The following RHEX variants were observed in gnomAD, a reference collection of about 807,000 sequenced individuals.
The protein encoded by RHEX is regulator of hemoglobinization and erythroid cell expansion protein.
In RHEX, 18 loss-of-function variants were observed where a neutral mutation model predicts 20.1. The observed-to-expected ratio is 0.90, with a 90% CI of 0.62 to 1.33. The LOEUF is 1.33. Ranked by LOEUF, RHEX falls within the 40% of genes most tolerant of loss-of-function variation. The pLI, the probability that RHEX is intolerant of heterozygous loss-of-function variation, is 0.00. For missense variants in RHEX, 192 were observed against 214.3 expected, an observed-to-expected ratio of 0.90 and a Z score of 0.65; for synonymous variants, 87 against 77.1, an observed-to-expected ratio of 1.13 and a Z score of -0.67.
At chr1:206,083,270 C>G (rs949313364) in intron 1 of RHEX, among the ~76,000 whole-genome samples, 1 of 152,204 alleles carries the variant, frequency 6.6e-6, no homozygotes, top group African/African-American at 2.4e-5. Context: ...TCTTAGGCCT[C>G]TTAACTCCTC....
intron 1 of RHEX, among the ~76,000 whole-genome samples, chr1:206,056,658 C>G (rs562756262): frequency 3.0e-3 from 457 of 152,210 alleles, no homozygotes; most frequent in Non-Finnish European, 5.0e-3. Flanking sequence ...AGGACTGGTC[C>G]TTTTCTAGGT....
intron 1 of RHEX, among the ~76,000 whole-genome samples, chr1:206,069,836 A>G (rs1447217867): frequency 6.6e-6 from 1 of 152,208 alleles, no homozygotes. Context: ...ATTTTTAAAA[A>G]TTACATGAAT....
intron 1 of RHEX, among the ~76,000 whole-genome samples, chr1:206,088,860 G>T (rs368922063): frequency 6.6e-6 from 1 of 151,098 alleles, no homozygotes; most frequent in African/African-American, 2.4e-5. Context: ...TCACGTTGTC[G>T]CCCAGGCTGG....
chr1:206,068,554 T>C (rs1429575772), intron 1 of RHEX, among the ~76,000 whole-genome samples: 2 of 151,950 alleles, frequency 1.3e-5, no homozygotes, highest in Non-Finnish European at 2.9e-5. Flanking sequence ...AGCTGGAGAA[T>C]TTAAAGGGAG....
At chr1:206,101,617 A>G in intron 5 of RHEX, 135 bp from the exon 6 acceptor site, 1 of 677,780 alleles carries the variant, frequency 1.5e-6, no homozygotes, top group Non-Finnish European at 2.6e-6. Context: ...CTGCTCCCAG[A>G]CACAGCTATT....
chr1:206,092,046 C>A (rs1352176281), intron 1 of RHEX, among the ~76,000 whole-genome samples: 2 of 150,578 alleles, frequency 1.3e-5, no homozygotes, highest in Admixed American at 6.7e-5. Flanking sequence ...CTTTCTTTCT[C>A]TCTTTCTCTC....
chr1:206,057,219 C>T (rs375913279), intron 1 of RHEX, among the ~76,000 whole-genome samples: 22 of 152,370 alleles, frequency 1.4e-4, no homozygotes, highest in African/African-American at 4.8e-4. Context: ...CCAGTCTCTA[C>T]AAGTCGCCTA....
intron 2 of RHEX, 45 bp downstream of exon 2, chr1:206,097,884 A>AC: frequency 7.1e-7 from 1 of 1,409,264 alleles, no homozygotes; most frequent in Non-Finnish European, 1.0e-6. Context: ...CCACCAAGCT[A>AC]ACTGGTGTAG....
intron 1 of RHEX, among the ~76,000 whole-genome samples, chr1:206,054,456 C>G (rs1571846546): frequency 6.6e-6 from 1 of 150,860 alleles, no homozygotes; most frequent in Non-Finnish European, 1.5e-5. Context: ...GGATTTTTAC[C>G]TACATTAAAA....
At chr1:206,066,125 T>C (rs1169311133) in intron 1 of RHEX, among the ~76,000 whole-genome samples, 1 of 152,250 alleles carries the variant, frequency 6.6e-6, no homozygotes, top group African/African-American at 2.4e-5. Context: ...TTTCCCAGCA[T>C]ATTCCATGGA....
intron 5 of RHEX, 76 bp from the exon 6 acceptor site, chr1:206,101,676 G>C: frequency 8.8e-7 from 1 of 1,137,470 alleles, no homozygotes; most frequent in Non-Finnish European, 1.3e-6. Flanking sequence ...TGTTGAGTAA[G>C]AGTTCAGTCC....
chr1:206,058,284 C>T (rs972446603), intron 1 of RHEX, among the ~76,000 whole-genome samples: 3 of 151,990 alleles, frequency 2.0e-5, no homozygotes, highest in African/African-American at 4.8e-5. Context: ...TAAAAAACTT[C>T]GTCGCTTAAC....
At position 206,077,404 on chromosome 1, in the gene RHEX, G is replaced by A. The variant is rs139887699; in HGVS notation, c.-96-20329G>A. ...TGACCAATGGTGAAATAGCTGAAAT[G>A]GTTCTGATTCAAGGTGACTGTGATA... On this transcript the variant is annotated intron_variant, in intron 1 of 5. Transcript: ENST00000331555. Among the ~76,000 whole-genome samples, 4 of 152,280 alleles carry A rather than the reference G, an allele frequency of 2.6e-5. No homozygotes were observed. In the East Asian group the frequency reaches 7.7e-4, roughly 29 times the overall value.
At chr1:206,101,516 T>G (rs1553288383) in intron 5 of RHEX, among the ~76,000 whole-genome samples, 2 of 152,236 alleles carry the variant, frequency 1.3e-5, no homozygotes, top group South Asian at 4.1e-4. Flanking sequence ...AGTCTCAGCA[T>G]CTTCCTGTTG....
chr1:206,074,334 AC>A, intron 1 of RHEX, among the ~76,000 whole-genome samples: 1 of 152,244 alleles, frequency 6.6e-6, no homozygotes, highest in Non-Finnish European at 1.5e-5. Context: ...AGTGCTTAGC[AC>A]AGAGCCACAT....
At chr1:206,075,845 A>T (rs908874425) in intron 1 of RHEX, among the ~76,000 whole-genome samples, 1 of 151,604 alleles carries the variant, frequency 6.6e-6, no homozygotes, top group Non-Finnish European at 1.5e-5. Flanking sequence ...CAAGTGATCC[A>T]CCCGCCTCAG....
intron 1 of RHEX, among the ~76,000 whole-genome samples, chr1:206,088,248 C>G (rs888508021): frequency 1.5e-4 from 23 of 152,230 alleles, no homozygotes; most frequent in African/African-American, 5.3e-4. Flanking sequence ...AATCCCAATA[C>G]CTGGTTTTGT....
At chr1:206,092,289 G>C (rs1553287131) in intron 1 of RHEX, among the ~76,000 whole-genome samples, 1 of 152,132 alleles carries the variant, frequency 6.6e-6, no homozygotes, top group Non-Finnish European at 1.5e-5. Flanking sequence ...TGTGCCAAAA[G>C]TTCTAATAAC....
chr1:206,101,283 G>T, intron 5 of RHEX, 86 bp downstream of exon 5: 1 of 1,046,336 alleles, frequency 9.6e-7, no homozygotes, highest in South Asian at 1.5e-5. Context: ...AGTTACCCCA[G>T]CTATGTAGTG....
Sources: allele counts gnomAD v4.1 joint callset (sites outside exome capture counted in the v4.1 genomes callset), GRCh38; gene constraint gnomAD v4.1.1; transcripts MANE v1.5; gene names NCBI Gene and HGNC (gene_info 2026-07-23, HGNC 2026-07-21).